The following RNF157 variants were observed in gnomAD, a reference collection of about 807,000 sequenced individuals.
RNF157 encodes E3 ubiquitin ligase RNF157.
In RNF157, 55 loss-of-function variants were observed where a neutral mutation model predicts 88.3. The ratio of observed to expected loss-of-function variants is 0.62; its 90% CI spans 0.50 to 0.78. The LOEUF (loss-of-function observed/expected upper bound fraction) is 0.78. Ranked by LOEUF, RNF157 falls within the 30% of genes least tolerant of loss-of-function variation. RNF157 has a pLI of 0.00. For synonymous variants in RNF157, 334 were observed against 341.2 expected (o/e 0.98, Z 0.23); for missense variants, 788 against 860.8 (o/e 0.92, Z 1.06).
At chr17:76,184,811 A>G (rs1306879710) in intron 2 of RNF157, among the ~76,000 whole-genome samples, 1 of 152,236 alleles carries the variant, frequency 6.6e-6, no homozygotes, top group East Asian at 1.9e-4. Context: ...TTTGGCTATC[A>G]AAGAAATCAA....
chr17:76,204,610 G>A (rs185720538), intron 2 of RNF157, among the ~76,000 whole-genome samples: 2 of 152,204 alleles, frequency 1.3e-5, no homozygotes, highest in East Asian at 1.9e-4. Context: ...AAAACTCTAT[G>A]TTACAAATGG....
Position 76,211,389 on chromosome 17 carries a change from A to G in RNF157, c.207+975T>C, listed in dbSNP as rs918584924. Among the ~76,000 whole-genome samples, 4 of 152,092 alleles carry G rather than the reference A, an allele frequency of 2.6e-5. No individual in the cohort carries two copies. In the East Asian group the frequency reaches 5.8e-4, roughly 22 times the overall value. ...CCTGCCCTTGCCATTGTCTTCTCCC[A>G]CTCTCAATTCCCACCACATTCAATC... On this transcript the variant is annotated intron_variant, in intron 2 of 18. Coordinates refer to ENST00000269391, the MANE Select transcript of RNF157 (RefSeq NM_052916.3).
At chr17:76,222,694 A>T (rs1187610096) in intron 1 of RNF157, among the ~76,000 whole-genome samples, 1 of 152,170 alleles carries the variant, frequency 6.6e-6, no homozygotes, top group Non-Finnish European at 1.5e-5. Flanking sequence ...CAGTTAAGAA[A>T]CAGCAGAGAC....
At chr17:76,152,600 G>C (rs1305599199) in intron 17 of RNF157, 135 bp from the exon 18 acceptor site, 9 of 634,620 alleles carry the variant, frequency 1.4e-5, no homozygotes, top group Non-Finnish European at 2.6e-5. Flanking sequence ...TAATTAAGCG[G>C]ATAAAGAGTG....
chr17:76,151,789 C>G (rs1231594365), intron 18 of RNF157, among the ~76,000 whole-genome samples: 1 of 152,126 alleles, frequency 6.6e-6, no homozygotes, highest in Non-Finnish European at 1.5e-5. Flanking sequence ...ATAGAGGAGC[C>G]CTAACTCGAC....
intron 2 of RNF157, among the ~76,000 whole-genome samples, chr17:76,196,687 G>A (rs556473841): frequency 2.0e-5 from 3 of 151,806 alleles, no homozygotes; most frequent in South Asian, 2.1e-4. Flanking sequence ...CCCCTGCTGT[G>A]GAGAGTTTTG....
chr17:76,182,127 C>A (rs1412684726), intron 2 of RNF157, among the ~76,000 whole-genome samples: 1 of 152,038 alleles, frequency 6.6e-6, no homozygotes, highest in African/African-American at 2.4e-5. Flanking sequence ...TGGGACTGGG[C>A]TGCTGTGTCT....
At chr17:76,167,166 C>A (rs72868716) in intron 4 of RNF157, 40 bp from the exon 5 acceptor site, 5 of 1,448,474 alleles carry the variant, frequency 3.5e-6, no homozygotes, top group Non-Finnish European at 4.8e-6. Flanking sequence ...AGTCAGTATC[C>A]GGCACAGATG....
At chr17:76,183,641 T>G (rs2069233579) in intron 2 of RNF157, among the ~76,000 whole-genome samples, 1 of 152,126 alleles carries the variant, frequency 6.6e-6, no homozygotes. Flanking sequence ...TATCATTTCT[T>G]CCACATTAAA....
intron 5 of RNF157, among the ~76,000 whole-genome samples, chr17:76,166,741 AT>A (rs568662758): frequency 1.2e-4 from 18 of 150,420 alleles, no homozygotes; most frequent in South Asian, 4.2e-4. Flanking sequence ...TAACCTATAG[AT>A]TTTTTTTTTC....
chr17:76,183,602 C>T (rs901786433), intron 2 of RNF157, among the ~76,000 whole-genome samples: 3 of 152,206 alleles, frequency 2.0e-5, no homozygotes, highest in Middle Eastern at 3.4e-3. Flanking sequence ...GCTGGGACTA[C>T]AAGCAAGTCA....
chr17:76,157,946 A>G lies in RNF157; in HGVS notation c.1413+447T>C, dbSNP rs1430927015. Among the ~76,000 whole-genome samples the G allele has an allele frequency of 6.7e-6, 1 of 150,360 alleles. No homozygotes were observed. The highest frequency in any genetic ancestry group is 2.5e-5 in the African/African-American group (1 of 40,684). On this transcript the variant is annotated intron_variant, in intron 13 of 18. Transcript: ENST00000269391. The surrounding 1 kb of genome is among the most constrained non-coding windows in gnomAD (Gnocchi z 5.6). ...CAGACCTAGGGCCCTCTCTCCTCGT[A>G]TATCTGCATAGCTAGCTCTACCACT...
At position 76,146,567 on chromosome 17, in the gene RNF157, C is replaced by A. The variant is rs1219448967; in HGVS notation, c.1922-1214G>T. 1.8e-5 allele frequency: 18 copies of A among 985,326 alleles called. No homozygotes were observed. The highest frequency in any genetic ancestry group is 1.9e-5 in the Non-Finnish European group (16 of 829,944). The allele number at this position is 985,326 out of a possible 1,614,324, so 61.0% of individuals were successfully genotyped here. A position where few individuals can be genotyped will look rare whatever the true frequency, so the allele number is the denominator to read the frequency against. ...GTCGTCCTCCGGACCCTGTGGGCCT[C>A]CCCAGCCGTGTCTCCCAGTGGCCTC... On this transcript the variant is annotated intron_variant, in intron 18 of 18. Transcript: ENST00000269391. The surrounding 1 kb of genome is among the most constrained non-coding windows in gnomAD (Gnocchi z 4.2).
intron 18 of RNF157, among the ~76,000 whole-genome samples, chr17:76,149,093 C>T (rs2068633293): frequency 6.6e-6 from 1 of 152,096 alleles, no homozygotes; most frequent in South Asian, 2.1e-4. Flanking sequence ...ACACTACTCC[C>T]CAGTGAAAAA....
intron 4 of RNF157, 32 bp from the exon 5 acceptor site, chr17:76,167,158 T>G: frequency 6.5e-7 from 1 of 1,531,040 alleles, no homozygotes; most frequent in Non-Finnish European, 9.0e-7. Flanking sequence ...AAAGCAAAAG[T>G]CAGTATCCGG....
chr17:76,201,642 T>C (rs186531243), intron 2 of RNF157, among the ~76,000 whole-genome samples: 4 of 152,322 alleles, frequency 2.6e-5, no homozygotes, highest in Admixed American at 2.0e-4. Flanking sequence ...TAGCTATAAA[T>C]ATATGTACAT....
At chr17:76,190,170 CTTT>C (rs71161273) in intron 2 of RNF157, among the ~76,000 whole-genome samples, 2 of 123,552 alleles carry the variant, frequency 1.6e-5, no homozygotes, top group African/African-American at 2.7e-5. Flanking sequence ...CTTGCTCTCT[CTTT>C]TTTTTTTTTT....
Position 76,166,473 on chromosome 17 carries a change from C to G in RNF157, c.616G>C (p.Asp206His). The change falls in exon 6 of 19, where the codon GAT (aspartate) becomes CAT (histidine). Residue 206 changes from aspartate (D) to histidine (H), a missense_variant. Physicochemically the swap from Asp to His is moderately conservative, Grantham distance 81. Coordinates refer to ENST00000269391, the MANE Select transcript of RNF157 (RefSeq NM_052916.3). ...VYPLVVHAVV[D>H]EGDEYFGHCH... ...AAATCGCCCCTACCGTCTCCTTCAT[C>G]CACCACGGCATGTACCACTAGAGGG... The G allele has an allele frequency of 2.5e-6, 4 of 1,613,974 alleles. No individual in the cohort carries two copies. The highest frequency in any genetic ancestry group is 3.4e-6 in the Non-Finnish European group (4 of 1,179,900).
chr17:76,235,745 A>C (rs1334780190), intron 1 of RNF157, among the ~76,000 whole-genome samples: 2 of 152,172 alleles, frequency 1.3e-5, no homozygotes, highest in Non-Finnish European at 2.9e-5. Context: ...ACGGTAGATC[A>C]CTTCTGTAAT....
Sources: gnomAD v4.1 joint callset for allele counts (sites outside exome capture counted in the v4.1 genomes callset) on GRCh38, gnomAD v4.1.1 for gene constraint, Gnocchi (gnomAD v3.1) non-coding constraint, MANE v1.5 for transcripts, NCBI Gene and HGNC (gene_info 2026-07-23, HGNC 2026-07-21) for gene names.